NCAM2: variants seen among roughly 807,000 people sequenced by gnomAD.
NCAM2 encodes the protein N-CAM-2.
NCAM2 carries 30 observed loss-of-function variants against 98.1 expected under a neutral mutation model. That is an observed-to-expected ratio of 0.31 (90% confidence interval 0.23 to 0.41). The LOEUF is 0.41. Ranked by LOEUF, NCAM2 falls within the 10% of genes least tolerant of loss-of-function variation. The probability of loss-of-function intolerance (pLI) is 1.00; values close to 1 mark genes in which losing one functional copy is unlikely to be tolerated. For missense variants in NCAM2, 867 were observed against 1,005.8 expected (o/e 0.86, Z 1.87); for synonymous variants, 368 against 342.4 (o/e 1.07, Z -0.83).
At chr21:21,009,052 G>A (rs2064159715) in intron 1 of NCAM2, among the ~76,000 whole-genome samples, 1 of 152,114 alleles carries the variant, frequency 6.6e-6, no homozygotes, top group Non-Finnish European at 1.5e-5. Context: ...TTCCCTGCTA[G>A]TGTCCCATTA....
chr21:21,128,997 A>G (rs2066882782), intron 1 of NCAM2, among the ~76,000 whole-genome samples: 1 of 152,166 alleles, frequency 6.6e-6, no homozygotes. Context: ...CAGCAAACAA[A>G]TTTGACAGCC....
chr21:21,231,958 TA>T (rs2070644482), intron 1 of NCAM2, among the ~76,000 whole-genome samples: 1 of 151,624 alleles, frequency 6.6e-6, no homozygotes, highest in South Asian at 2.1e-4. Context: ...TTTACCATTA[TA>T]AAAACCAGCT....
intron 1 of NCAM2, among the ~76,000 whole-genome samples, chr21:21,219,913 G>T (rs539858123): frequency 6.6e-6 from 1 of 152,116 alleles, no homozygotes; most frequent in Non-Finnish European, 1.5e-5. Context: ...TTGCGTCACA[G>T]TTTTTAACAA....
At chr21:21,159,180 T>C (rs1449133042) in intron 1 of NCAM2, among the ~76,000 whole-genome samples, 2 of 152,280 alleles carry the variant, frequency 1.3e-5, no homozygotes, top group Non-Finnish European at 2.9e-5. Context: ...ATAAAAAATA[T>C]CTTCATATAG....
intron 1 of NCAM2, among the ~76,000 whole-genome samples, chr21:21,144,802 A>C (rs2067239359): frequency 6.6e-6 from 1 of 152,190 alleles, no homozygotes; most frequent in Non-Finnish European, 1.5e-5. Flanking sequence ...TAGGAAATCT[A>C]GTCTTGCTAG....
At chr21:21,376,196 A>C (rs1225257236) in intron 9 of NCAM2, among the ~76,000 whole-genome samples, 1 of 151,866 alleles carries the variant, frequency 6.6e-6, no homozygotes, top group Non-Finnish European at 1.5e-5. Context: ...GCGTATCCAC[A>C]TTCTCCAGAG....
intron 1 of NCAM2, among the ~76,000 whole-genome samples, chr21:21,276,003 A>C (rs1330397191): frequency 1.3e-5 from 2 of 152,132 alleles, no homozygotes; most frequent in African/African-American, 4.8e-5. Flanking sequence ...ATACTGACCT[A>C]CTAATTTCCT....
At chr21:21,377,421 G>A (rs569275206) in intron 9 of NCAM2, among the ~76,000 whole-genome samples, 1 of 151,784 alleles carries the variant, frequency 6.6e-6, no homozygotes, top group African/African-American at 2.4e-5. Context: ...TATATACATA[G>A]AGTCATGCAG....
chr21:21,414,291 C>T (rs2076943443), intron 10 of NCAM2, among the ~76,000 whole-genome samples: 1 of 152,146 alleles, frequency 6.6e-6, no homozygotes, highest in South Asian at 2.1e-4. Context: ...TCAACTTCTT[C>T]CAAATTCTTA....
chr21:21,117,373 A>G (rs1162990123), intron 1 of NCAM2, among the ~76,000 whole-genome samples: 2 of 152,204 alleles, frequency 1.3e-5, no homozygotes, highest in Admixed American at 6.5e-5. Flanking sequence ...AAACTATCAT[A>G]CAATCCAGCA....
chr21:21,381,728 A>AT (rs544830652), intron 9 of NCAM2, among the ~76,000 whole-genome samples: 28 of 152,096 alleles, frequency 1.8e-4, no homozygotes, highest in Non-Finnish European at 3.5e-4. Flanking sequence ...GAATTAAGAT[A>AT]TTTTTTCTTT....
chr21:21,021,707 C>T (rs1365160447), intron 1 of NCAM2, among the ~76,000 whole-genome samples: 1 of 152,122 alleles, frequency 6.6e-6, no homozygotes, highest in Non-Finnish European at 1.5e-5. Flanking sequence ...TCAAGCCATA[C>T]TTAATTTTTA....
intron 5 of NCAM2, among the ~76,000 whole-genome samples, chr21:21,297,317 C>T (rs1027960212): frequency 1.3e-5 from 2 of 151,648 alleles, no homozygotes; most frequent in East Asian, 2.0e-4. Context: ...TTGCCCTCAC[C>T]GAACAAACAT....
intron 1 of NCAM2, among the ~76,000 whole-genome samples, chr21:21,192,020 G>T (rs1311021730): frequency 6.6e-6 from 1 of 152,060 alleles, no homozygotes; most frequent in Non-Finnish European, 1.5e-5. Context: ...TCAGGAGTTT[G>T]AGACCATCCT....
chr21:21,111,957 G>A (rs563674435), intron 1 of NCAM2, among the ~76,000 whole-genome samples: 4 of 152,210 alleles, frequency 2.6e-5, no homozygotes, highest in African/African-American at 9.6e-5. Flanking sequence ...TGTTTATTGT[G>A]TAAATTACTG....
intron 16 of NCAM2, among the ~76,000 whole-genome samples, chr21:21,516,158 T>C (rs545776435): frequency 1.3e-5 from 2 of 152,234 alleles, no homozygotes; most frequent in South Asian, 4.1e-4. Context: ...GAACCACATC[T>C]ACAGTTTGTA....
chr21:21,285,869 C>T (rs1391368520), intron 3 of NCAM2, among the ~76,000 whole-genome samples: 2 of 151,838 alleles, frequency 1.3e-5, no homozygotes, highest in Non-Finnish European at 2.9e-5. Context: ...AGGAATATTG[C>T]TATTTTATAT....
chr21:21,466,711 A>G lies in NCAM2; in HGVS notation c.1760A>G (p.Gln587Arg), dbSNP rs755372675. 15 of 1,605,520 alleles carry G rather than the reference A, an allele frequency of 9.3e-6. No homozygotes were observed. The East Asian group carries it at 3.1e-4, about 34-fold the overall frequency. ...GACTACAGTAAAATAGAAATCTTCC[A>G]AACATTACCAGTTCGTAAGTAATCA... is the stretch of plus-strand genomic sequence containing the variant. Reference protein sequence around the residue: ...QGDYSKIEIFQTLPVREPSPP... With the variant: ...QGDYSKIEIFRTLPVREPSPP... Residue 587 changes from glutamine (Q) to arginine (R), a missense_variant, in exon 13 of 18, where the codon CAA becomes CGA. Gln to Arg is a conservative substitution (Grantham distance 43, BLOSUM62 1). Around this residue, in one of 5 missense-constraint regions of NCAM2, gnomAD observed 234 missense variants for 333.8 expected, o/e 0.70. Transcript: ENST00000400546.
intron 1 of NCAM2, chr21:21,226,544 A>G (rs1003919895): frequency 1.3e-5 from 2 of 152,070 alleles, no homozygotes. Context: ...TACATGCCAC[A>G]ATGTCTATTA....
Sources: gnomAD v4.1 joint callset for allele counts (sites outside exome capture counted in the v4.1 genomes callset) on GRCh38, gnomAD v4.1.1 for gene constraint, gnomAD v4.1.1 regional missense constraint, MANE v1.5 for transcripts, NCBI Gene and HGNC (gene_info 2026-07-23, HGNC 2026-07-21) for gene names.